Variants in CADM1 observed in about 807,000 individuals in gnomAD.
CADM1 encodes cell adhesion molecule 1.
A neutral mutation model predicts 53.1 loss-of-function variants in CADM1; 15 were observed. The observed-to-expected ratio is 0.28, with a 90% CI of 0.19 to 0.44. The LOEUF (loss-of-function observed/expected upper bound fraction) is 0.44. Among genes scored for constraint, CADM1 ranks in the 20% least tolerant of loss-of-function variants. CADM1 has a pLI of 1.00. For synonymous variants in CADM1, 281 were observed against 243.0 expected (o/e 1.16, Z -1.45); for missense variants, 434 against 611.3 (o/e 0.71, Z 3.06).
intron 1 of CADM1, among the ~76,000 whole-genome samples, chr11:115,390,534 T>C (rs1946809172): frequency 6.6e-6 from 1 of 151,894 alleles, no homozygotes; most frequent in South Asian, 2.1e-4. Context: ...AAAACACCTG[T>C]GCTTTGAAAA....
chr11:115,443,703 C>T (rs1053511388), intron 1 of CADM1, among the ~76,000 whole-genome samples: 1 of 152,070 alleles, frequency 6.6e-6, no homozygotes, highest in Admixed American at 6.5e-5. Flanking sequence ...ATCAGTCATT[C>T]GAAAAACATT....
intron 10 of CADM1, among the ~76,000 whole-genome samples, chr11:115,187,594 C>T (rs1212004349): frequency 6.6e-6 from 1 of 152,136 alleles, no homozygotes; most frequent in Admixed American, 6.6e-5. Context: ...GTGCATGCCA[C>T]CACGCCTGGC....
intron 1 of CADM1, among the ~76,000 whole-genome samples, chr11:115,280,080 G>A (rs1355207118): frequency 1.3e-5 from 2 of 152,172 alleles, no homozygotes; most frequent in Non-Finnish European, 2.9e-5. Flanking sequence ...TAAGACATTT[G>A]CTATCCAGTT....
At chr11:115,231,531 T>A in intron 3 of CADM1, 41 bp from the exon 4 acceptor site, 2 of 1,590,296 alleles carry the variant, frequency 1.3e-6, no homozygotes, top group Non-Finnish European at 1.7e-6. Flanking sequence ...ACAGAATGCA[T>A]TTTTGCATTG....
chr11:115,340,654 A>ATTTTTTTTT (rs1370287141), intron 1 of CADM1, among the ~76,000 whole-genome samples: 7 of 52,630 alleles, frequency 1.3e-4, no homozygotes, highest in African/African-American at 5.3e-4. Flanking sequence ...ATATATATAT[A>ATTTTTTTTT]TATATTTTTT....
intron 11 of CADM1, among the ~76,000 whole-genome samples, chr11:115,177,255 C>T (rs562465693): frequency 2.3e-3 from 344 of 152,310 alleles, no homozygotes; most frequent in African/African-American, 7.7e-3. Flanking sequence ...CATCGTATAA[C>T]TCTAGCCCGG....
intron 3 of CADM1, among the ~76,000 whole-genome samples, chr11:115,234,385 G>A (rs961751917): frequency 7.2e-5 from 11 of 152,136 alleles, no homozygotes; most frequent in East Asian, 1.9e-4. Context: ...TCCAGATTTC[G>A]TTTGGGGGCT....
chr11:115,350,905 C>T (rs958158219), intron 1 of CADM1, among the ~76,000 whole-genome samples: 7 of 149,214 alleles, frequency 4.7e-5, no homozygotes, highest in African/African-American at 1.5e-4. Context: ...TTTCACTTGC[C>T]GCATTCTTTT....
chr11:115,315,900 T>A (rs1311719110), intron 1 of CADM1, among the ~76,000 whole-genome samples: 1 of 152,160 alleles, frequency 6.6e-6, no homozygotes, highest in African/African-American at 2.4e-5. Context: ...AGGGAATAAG[T>A]CATAATACAG....
chr11:115,264,105 A>G (rs754732392), intron 1 of CADM1, among the ~76,000 whole-genome samples: 18 of 152,128 alleles, frequency 1.2e-4, no homozygotes, highest in South Asian at 2.1e-4. Flanking sequence ...ATACTACTCA[A>G]TTAGGATCAA....
intron 1 of CADM1, among the ~76,000 whole-genome samples, chr11:115,344,319 T>A (rs898904090): frequency 6.6e-6 from 1 of 152,112 alleles, no homozygotes; most frequent in Non-Finnish European, 1.5e-5. Flanking sequence ...CAATGTCATA[T>A]CTTTGTTTGC....
At chr11:115,196,183 C>G (rs1410872767) in intron 9 of CADM1, among the ~76,000 whole-genome samples, 2 of 152,082 alleles carry the variant, frequency 1.3e-5, no homozygotes, top group African/African-American at 4.8e-5. Context: ...AAGTCCCATT[C>G]CAAGTGTCTC....
intron 1 of CADM1, among the ~76,000 whole-genome samples, chr11:115,482,069 C>G (rs1371897703): frequency 2.6e-5 from 4 of 152,218 alleles, no homozygotes; most frequent in African/African-American, 9.7e-5. Context: ...CCATAGCAAA[C>G]TATCTGCAGT....
At chr11:115,293,455 GTATAACTAT>G (rs1278178838) in intron 1 of CADM1, among the ~76,000 whole-genome samples, 1 of 152,038 alleles carries the variant, frequency 6.6e-6, no homozygotes, top group Non-Finnish European at 1.5e-5. Flanking sequence ...AAAAGATCCA[GTATAACTAT>G]TCTGCCCTCC....
chr11:115,404,349 ATATATATATATATATATAT>A (rs1947255231), intron 1 of CADM1, among the ~76,000 whole-genome samples: 19 of 23,222 alleles, frequency 8.2e-4, no homozygotes, highest in East Asian at 3.0e-3. Context: ...AAAAAAAAAT[ATATATATATATATATATAT>A]ATATATATAT....
At chr11:115,270,996 C>A (rs1391399550) in intron 1 of CADM1, among the ~76,000 whole-genome samples, 2 of 152,128 alleles carry the variant, frequency 1.3e-5, no homozygotes, top group Non-Finnish European at 2.9e-5. Context: ...TGTACAGTGT[C>A]AAAGTGAACT....
intron 1 of CADM1, among the ~76,000 whole-genome samples, chr11:115,333,135 T>G (rs1195230428): frequency 6.6e-6 from 1 of 152,088 alleles, no homozygotes; most frequent in African/African-American, 2.4e-5. Flanking sequence ...TGCAACAAAC[T>G]CAAGGCCAAC....
chr11:115,175,330 G>A lies in CADM1; in HGVS notation c.*1144C>T. ...GCATGACAAATATCTGTAATATACAGTACATGCAGGCCACATCCTACTGCC... is the reference window on the plus strand; with the variant it reads ...GCATGACAAATATCTGTAATATACAATACATGCAGGCCACATCCTACTGCC... On this transcript the variant is annotated 3_prime_UTR_variant, in exon 12 of 12. Coordinates refer to ENST00000331581, the MANE Select transcript of CADM1 (RefSeq NM_001301043.2). 1 of 977,906 alleles carries A rather than the reference G, an allele frequency of 1.0e-6. No homozygotes were observed. Among genetic ancestry groups the A allele is most frequent in the Non-Finnish European group, 1.2e-6 (1 of 825,674 alleles). The allele number at this position is 977,906 out of a possible 1,614,324, so 60.6% of individuals were successfully genotyped here. A position where few individuals can be genotyped will look rare whatever the true frequency, so the allele number is the denominator to read the frequency against.
intron 1 of CADM1, among the ~76,000 whole-genome samples, chr11:115,309,487 C>G (rs182302982): frequency 6.3e-4 from 96 of 152,194 alleles, no homozygotes; most frequent in Admixed American, 1.3e-3. Flanking sequence ...GGTATTTATG[C>G]CAATTCAATC....
Sources: gnomAD v4.1 joint callset for allele counts (sites outside exome capture counted in the v4.1 genomes callset) on GRCh38, gnomAD v4.1.1 for gene constraint, MANE v1.5 for transcripts, NCBI Gene and HGNC (gene_info 2026-07-23, HGNC 2026-07-21) for gene names.